Variants in VEPH1 observed in about 807,000 individuals in gnomAD.
The protein encoded by VEPH1 is ventricular zone expressed PH domain containing 1.
VEPH1 carries 80 observed loss-of-function variants against 85.2 expected under a neutral mutation model. That is an observed-to-expected ratio of 0.94 (90% confidence interval 0.78 to 1.13). The LOEUF (loss-of-function observed/expected upper bound fraction) is 1.13. Among genes scored for constraint, VEPH1 ranks in the 50% most tolerant of loss-of-function variants. The pLI is 0.00. For missense variants in VEPH1, 955 were observed against 980.5 expected, an observed-to-expected ratio of 0.97 and a Z score of 0.35; for synonymous variants, 297 against 348.0, an observed-to-expected ratio of 0.85 and a Z score of 1.63.
intron 9 of VEPH1, 189 bp downstream of exon 9, chr3:157,363,175 G>T: frequency 2.1e-6 from 1 of 482,662 alleles, no homozygotes; most frequent in East Asian, 3.4e-5. Context: ...ATTCAAATGG[G>T]AATCAAGATG....
chr3:157,454,786 C>G (rs1306995496), intron 4 of VEPH1, among the ~76,000 whole-genome samples: 1 of 152,108 alleles, frequency 6.6e-6, no homozygotes, highest in African/African-American at 2.4e-5. Context: ...CCCCCAGTGT[C>G]TATCATTCCC....
intron 2 of VEPH1, chr3:157,489,408 A>C: frequency 3.2e-6 from 1 of 311,776 alleles, no homozygotes. Context: ...GACCTCAGAA[A>C]CTCCAGTCTA....
chr3:157,426,098 T>C (rs543789319), intron 5 of VEPH1, among the ~76,000 whole-genome samples: 1 of 152,336 alleles, frequency 6.6e-6, no homozygotes, highest in African/African-American at 2.4e-5. Context: ...TCCCCAGCCA[T>C]GTGGAACTGT....
rs558493460 is a variant in VEPH1 at position 157,357,474 on chromosome 3, G to C, written c.1735+5890C>G. On this transcript the variant is annotated intron_variant, in intron 9 of 13. Transcript: ENST00000362010. ...ATGCAGACAAACAACATACTCCTTTGTCCATCTGCATTGTAAGAAACTTTT... is the reference window on the plus strand; with the variant it reads ...ATGCAGACAAACAACATACTCCTTTCTCCATCTGCATTGTAAGAAACTTTT... 2.3e-3 allele frequency among the ~76,000 whole-genome samples: 342 copies of C among 151,814 alleles called. 2 individuals carry two copies. The highest frequency in any genetic ancestry group is 4.4e-3 in the Non-Finnish European group (296 of 67,942).
At chr3:157,366,626 T>A (rs1726735138) in intron 7 of VEPH1, among the ~76,000 whole-genome samples, 1 of 151,944 alleles carries the variant, frequency 6.6e-6, no homozygotes, top group Admixed American at 6.6e-5. Flanking sequence ...TCCCAGCTAC[T>A]CGGGAGGCTG....
chr3:157,373,424 A>G (rs1356660993), intron 7 of VEPH1, among the ~76,000 whole-genome samples: 1 of 152,212 alleles, frequency 6.6e-6, no homozygotes, highest in Non-Finnish European at 1.5e-5. Flanking sequence ...AATTGGAAAA[A>G]TGAATTTTGG....
intron 5 of VEPH1, among the ~76,000 whole-genome samples, chr3:157,414,881 TTTTG>T (rs1191422938): frequency 6.6e-6 from 1 of 152,178 alleles, no homozygotes; most frequent in Non-Finnish European, 1.5e-5. Context: ...TGTTTGTTTC[TTTTG>T]TTTGTGTTTT....
chr3:157,424,416 G>A (rs1193441417), intron 5 of VEPH1, among the ~76,000 whole-genome samples: 6 of 152,180 alleles, frequency 3.9e-5, no homozygotes, highest in Non-Finnish European at 7.3e-5. Flanking sequence ...AAAGATACCT[G>A]AAACTGTGGA....
chr3:157,457,483 C>T (rs1022172452), intron 4 of VEPH1, among the ~76,000 whole-genome samples: 9 of 152,142 alleles, frequency 5.9e-5, no homozygotes, highest in African/African-American at 2.2e-4. Context: ...ATGTTTCCAG[C>T]TTTTGCCCAT....
At chr3:157,329,486 A>G (rs1360486536) in intron 9 of VEPH1, among the ~76,000 whole-genome samples, 1 of 152,230 alleles carries the variant, frequency 6.6e-6, no homozygotes. Context: ...ATAGAGGTCA[A>G]TATATCTTTG....
chr3:157,481,947 T>C (rs1038073003), intron 2 of VEPH1, among the ~76,000 whole-genome samples: 1 of 152,188 alleles, frequency 6.6e-6, no homozygotes, highest in Non-Finnish European at 1.5e-5. Flanking sequence ...AAAACATTGC[T>C]TAGTTTTGAC....
intron 6 of VEPH1, among the ~76,000 whole-genome samples, chr3:157,395,079 G>C (rs144917499): frequency 6.6e-6 from 1 of 152,130 alleles, no homozygotes; most frequent in African/African-American, 2.4e-5. Context: ...ACCAGTGAAC[G>C]CCATGATCAC....
At chr3:157,360,643 A>C (rs1442335593) in intron 9 of VEPH1, among the ~76,000 whole-genome samples, 1 of 152,130 alleles carries the variant, frequency 6.6e-6, no homozygotes, top group Non-Finnish European at 1.5e-5. Context: ...AGCCTAGCCT[A>C]CCTTAAATGT....
chr3:157,354,246 A>C (rs1425237624), intron 9 of VEPH1, among the ~76,000 whole-genome samples: 1 of 145,100 alleles, frequency 6.9e-6, no homozygotes, highest in Non-Finnish European at 1.5e-5. Flanking sequence ...TAAAAAGTAA[A>C]GTTTATTAAT....
intron 6 of VEPH1, among the ~76,000 whole-genome samples, chr3:157,398,680 G>T (rs1730601450): frequency 6.6e-6 from 1 of 151,288 alleles, no homozygotes; most frequent in Non-Finnish European, 1.5e-5. Context: ...ATAGAGCCTT[G>T]CTCTAGAATC....
chr3:157,450,261 T>A (rs1734866111), intron 4 of VEPH1, among the ~76,000 whole-genome samples: 1 of 151,904 alleles, frequency 6.6e-6, no homozygotes, highest in Non-Finnish European at 1.5e-5. Context: ...CTTGCTATGT[T>A]CCCGAGGCTG....
At chr3:157,462,755 C>T (rs1462449937) in intron 3 of VEPH1, among the ~76,000 whole-genome samples, 1 of 152,172 alleles carries the variant, frequency 6.6e-6, no homozygotes, top group East Asian at 1.9e-4. Context: ...CTTCTGGAGA[C>T]TCTACCCTAA....
At chr3:157,280,173 C>G (rs554970736) in intron 12 of VEPH1, among the ~76,000 whole-genome samples, 1 of 151,954 alleles carries the variant, frequency 6.6e-6, no homozygotes, top group African/African-American at 2.4e-5. Flanking sequence ...TTAAAATATA[C>G]TAAGTATTTT....
chr3:157,475,536 C>A (rs1272763770), intron 2 of VEPH1, among the ~76,000 whole-genome samples: 2 of 151,982 alleles, frequency 1.3e-5, no homozygotes, highest in Non-Finnish European at 2.9e-5. Flanking sequence ...CATTTTGGAC[C>A]AGACATGAAA....
Sources: allele counts gnomAD v4.1 joint callset (sites outside exome capture counted in the v4.1 genomes callset), GRCh38; gene constraint gnomAD v4.1.1; transcripts MANE v1.5; gene names NCBI Gene and HGNC (gene_info 2026-07-23, HGNC 2026-07-21).